Variants in FHIP1A observed in about 807,000 individuals in gnomAD.
FHIP1A encodes the protein FHF complex subunit HOOK interacting protein 1A, also known as FHF complex subunit HOOK-interacting protein 1A.
A neutral mutation model predicts 88.6 loss-of-function variants in FHIP1A; 61 were observed. The ratio of observed to expected loss-of-function variants is 0.69; its 90% CI spans 0.56 to 0.85. The LOEUF is 0.85. Among genes scored for constraint, FHIP1A ranks in the 40% least tolerant of loss-of-function variants. FHIP1A has a pLI of 0.00. For synonymous variants in FHIP1A, 478 were observed against 496.0 expected, an observed-to-expected ratio of 0.96 and a Z score of 0.48; for missense variants, 1,154 against 1,273.5, an observed-to-expected ratio of 0.91 and a Z score of 1.43.
At chr4:151,477,659 C>T (rs1580612205) in intron 2 of FHIP1A, among the ~76,000 whole-genome samples, 1 of 151,946 alleles carries the variant, frequency 6.6e-6, no homozygotes, top group Non-Finnish European at 1.5e-5. Context: ...GTCCAAAAAC[C>T]AGAAGAAAAA....
At chr4:151,562,468 A>G (rs1733210679) in intron 3 of FHIP1A, among the ~76,000 whole-genome samples, 1 of 152,100 alleles carries the variant, frequency 6.6e-6, no homozygotes, top group South Asian at 2.1e-4. Flanking sequence ...TGTATCTTCA[A>G]ATTATCCATG....
chr4:151,566,311 C>G lies in FHIP1A; in HGVS notation c.52C>G (p.Gln18Glu). ...CAAACTCCAGCAGGCTGTGAGCCTACAGGGAGTTGACCCAGAAACATGCAT... is the reference window on the plus strand; with the variant it reads ...CAAACTCCAGCAGGCTGTGAGCCTAGAGGGAGTTGACCCAGAAACATGCAT... ...ESKLQQAVSLQGVDPETCMIV... is the reference protein window; with the variant it reads ...ESKLQQAVSLEGVDPETCMIV... Residue 18 changes from glutamine to glutamate, a missense_variant, in exon 4 of 14, where the codon CAG (glutamine) becomes GAG (glutamate). By Grantham distance (29) the Gln-to-Glu change is conservative. Transcript: ENST00000435205. 6.4e-7 allele frequency: 1 copy of G among 1,550,912 alleles called. No individual in the cohort carries two copies. Among genetic ancestry groups the G allele is most frequent in the Non-Finnish European group, 8.7e-7 (1 of 1,146,378 alleles).
intron 3 of FHIP1A, among the ~76,000 whole-genome samples, chr4:151,556,234 T>C (rs1052825856): frequency 6.6e-6 from 1 of 152,172 alleles, no homozygotes; most frequent in Non-Finnish European, 1.5e-5. Flanking sequence ...GCTAATTTCC[T>C]TACCAGTTCA....
intron 1 of FHIP1A, among the ~76,000 whole-genome samples, chr4:151,452,352 G>A (rs1004535920): frequency 1.3e-5 from 2 of 152,158 alleles, no homozygotes; most frequent in African/African-American, 2.4e-5. Flanking sequence ...GGACACCTTA[G>A]TGAAAGGAGA....
At chr4:151,589,274 G>T (rs919478507) in intron 7 of FHIP1A, among the ~76,000 whole-genome samples, 1 of 152,160 alleles carries the variant, frequency 6.6e-6, no homozygotes, top group African/African-American at 2.4e-5. Context: ...AGAATGCAAG[G>T]TCTGCTGTGG....
At chr4:151,445,927 ATTTGTG>A (rs1401790061) in intron 1 of FHIP1A, among the ~76,000 whole-genome samples, 2 of 147,090 alleles carry the variant, frequency 1.4e-5, no homozygotes, top group East Asian at 4.0e-4. Flanking sequence ...GCTGGTGAAC[ATTTGTG>A]TTTGTGTAAT....
chr4:151,558,873 A>T (rs1440368492), intron 3 of FHIP1A, among the ~76,000 whole-genome samples: 1 of 152,214 alleles, frequency 6.6e-6, no homozygotes, highest in Non-Finnish European at 1.5e-5. Context: ...ACTGAAGGTA[A>T]ATTGCATAAA....
At chr4:151,625,064 C>A (rs1002406478) in intron 7 of FHIP1A, among the ~76,000 whole-genome samples, 24 of 152,314 alleles carry the variant, frequency 1.6e-4, no homozygotes, top group Admixed American at 7.8e-4. Context: ...TGCCTCCCAC[C>A]TGTCCGTTGG....
intron 7 of FHIP1A, among the ~76,000 whole-genome samples, chr4:151,627,418 G>A (rs1735993085): frequency 1.3e-5 from 2 of 152,152 alleles, no homozygotes; most frequent in African/African-American, 4.8e-5. Flanking sequence ...TGTAACTTAA[G>A]GGGGGAAAAG....
chr4:151,411,343 A>ATTTTTTTTTTTTTT lies in FHIP1A; in HGVS notation c.-356+1879_-356+1880insTTTTTTTTTTTTTT, dbSNP rs370374898. Among the ~76,000 whole-genome samples, 5 of 112,178 alleles carry ATTTTTTTTTTTTTT rather than the reference A, an allele frequency of 4.5e-5. 1 individual carries two copies. The highest frequency in any genetic ancestry group is 7.1e-5 in the Non-Finnish European group (4 of 56,656). The allele number at this position is 112,178 out of a possible 152,430, so 73.6% of individuals were successfully genotyped here. ...AATTGCCTCTGAGGAGTGAAATTAT[A>ATTTTTTTTTTTTTT]TATATATTTTTTTTTTTTTAAAGTT... is the stretch of plus-strand genomic sequence containing the variant. On this transcript the variant is annotated intron_variant, in intron 1 of 13. Coordinates refer to ENST00000435205, the MANE Select transcript of FHIP1A (RefSeq NM_001109977.3).
chr4:151,445,752 G>A (rs887079329), intron 1 of FHIP1A, among the ~76,000 whole-genome samples: 2 of 150,630 alleles, frequency 1.3e-5, no homozygotes, highest in African/African-American at 4.9e-5. Context: ...CTATTCAGGA[G>A]GCTAAGGCAG....
Position 151,504,184 on chromosome 4 carries a change from C to G in FHIP1A, c.-123+21536C>G, listed in dbSNP as rs1400004835. Among the ~76,000 whole-genome samples, 2 of 152,202 alleles carry G rather than the reference C, an allele frequency of 1.3e-5. 1 individual carries two copies. Among genetic ancestry groups the G allele is most frequent in the Non-Finnish European group, 2.9e-5 (2 of 68,036 alleles). ...TCCCTACATTTAACTGGAATAGCAT[C>G]TCTCAGGGAAAATGTTTGCAACTCA... On this transcript the variant is annotated intron_variant, in intron 3 of 13. Coordinates refer to ENST00000435205, the MANE Select transcript of FHIP1A (RefSeq NM_001109977.3).
chr4:151,615,382 C>G lies in FHIP1A; in HGVS notation c.979-14320C>G, dbSNP rs547866451. 1.5e-4 allele frequency among the ~76,000 whole-genome samples: 23 copies of G among 151,740 alleles called. 1 individual carries two copies. Among genetic ancestry groups the G allele is most frequent in the Middle Eastern group, 6.8e-3 (2 of 294 alleles). ...TTTTCTTAGCTGTAAGATGAGAATC[C>G]TAATACCTACCTACCATTTTACTCT... On this transcript the variant is annotated intron_variant, in intron 7 of 13. Transcript: ENST00000435205.
intron 1 of FHIP1A, among the ~76,000 whole-genome samples, chr4:151,448,897 G>A (rs1402229010): frequency 2.0e-5 from 3 of 152,046 alleles, no homozygotes; most frequent in South Asian, 2.1e-4. Context: ...TTTCCTTACC[G>A]GCTGTACTAT....
intron 3 of FHIP1A, 101 bp downstream of exon 3, chr4:151,482,749 A>G (rs1182311782): frequency 6.6e-6 from 1 of 151,876 alleles, no homozygotes; most frequent in Non-Finnish European, 1.5e-5. Context: ...GAACTTACAC[A>G]TCCATGTGAA....
At chr4:151,604,759 G>T (rs903777411) in intron 7 of FHIP1A, among the ~76,000 whole-genome samples, 3 of 151,716 alleles carry the variant, frequency 2.0e-5, no homozygotes, top group African/African-American at 7.3e-5. Flanking sequence ...TGCAGCAGGA[G>T]AATTGCTTGA....
At position 151,656,339 on chromosome 4, in the gene FHIP1A, C is replaced by T; in HGVS notation, c.2659C>T (p.Gln887Ter). 4 of 1,551,704 alleles carry T rather than the reference C, an allele frequency of 2.6e-6. No homozygotes were observed. In the South Asian group the frequency reaches 4.8e-5, roughly 18 times the overall value. The change falls in exon 12 of 14, where the codon CAG (glutamine) becomes TAG (stop). Residue 887 changes from glutamine to a stop codon, truncating the protein, a stop_gained. Coordinates refer to ENST00000435205, the MANE Select transcript of FHIP1A (RefSeq NM_001109977.3). LOFTEE classifies it high-confidence loss of function. The surrounding 1 kb of genome is among the most constrained non-coding windows in gnomAD (Gnocchi z 4.2). Reference sequence around the variant, plus strand: ...CATTACTCAGCTAGCCAGCTACCCCCAGCCACTCCTGCGCTCCTTTCTGCT... The same window carrying T: ...CATTACTCAGCTAGCCAGCTACCCCTAGCCACTCCTGCGCTCCTTTCTGCT... Reference protein sequence around the residue: ...GIITQLASYPQPLLRSFLLNT... With the variant: ...GIITQLASYP
chr4:151,414,712 T>C (rs1169313651), intron 1 of FHIP1A, among the ~76,000 whole-genome samples: 1 of 152,200 alleles, frequency 6.6e-6, no homozygotes, highest in East Asian at 1.9e-4. Context: ...TACTGCCTTC[T>C]AAAAGACAGG....
At chr4:151,554,948 GA>G (rs1741061878) in intron 3 of FHIP1A, among the ~76,000 whole-genome samples, 2 of 152,084 alleles carry the variant, frequency 1.3e-5, no homozygotes, top group Non-Finnish European at 2.9e-5. Context: ...TCTACTTAAT[GA>G]CTTTGAAAAG....
Sources: gnomAD v4.1 joint callset for allele counts (sites outside exome capture counted in the v4.1 genomes callset) on GRCh38, gnomAD v4.1.1 for gene constraint, Gnocchi (gnomAD v3.1) non-coding constraint, MANE v1.5 for transcripts, NCBI Gene and HGNC (gene_info 2026-07-23, HGNC 2026-07-21) for gene names.